PAX5: variants seen among roughly 807,000 people sequenced by gnomAD.
PAX5 encodes paired box 5.
A neutral mutation model predicts 43.7 loss-of-function variants in PAX5; 9 were observed. The observed-to-expected ratio is 0.21, with a 90% CI of 0.12 to 0.36. The LOEUF (loss-of-function observed/expected upper bound fraction) is 0.36, where lower values mean the gene tolerates loss of function less well. Ranked by LOEUF, PAX5 falls within the 10% of genes least tolerant of loss-of-function variation. PAX5 has a pLI of 1.00. For missense variants in PAX5, 383 were observed against 532.7 expected (o/e 0.72, Z 2.77); for synonymous variants, 228 against 214.3 (o/e 1.06, Z -0.56).
rs117083486 is a variant in PAX5, at chr9:36,945,005, C to T, written c.781-21521G>A. On this transcript the variant is annotated intron_variant, in intron 6 of 9. Coordinates refer to ENST00000358127, the MANE Select transcript of PAX5 (RefSeq NM_016734.3). ...CAGGCCTGAAGCCACGCAGAGTGAG[C>T]CTTGCAACTACCCACAGACAGGGAC... 3.2e-4 allele frequency among the ~76,000 whole-genome samples: 49 copies of T among 152,266 alleles called. 3 individuals carry two copies. In the East Asian group the frequency reaches 9.5e-3, roughly 29 times the overall value.
chr9:36,881,739 G>T (rs1007199293), intron 8 of PAX5, among the ~76,000 whole-genome samples: 1 of 151,984 alleles, frequency 6.6e-6, no homozygotes, highest in African/African-American at 2.4e-5. Flanking sequence ...CACCCTCTGT[G>T]TTCAGACTCT....
intron 7 of PAX5, among the ~76,000 whole-genome samples, chr9:36,884,005 T>C (rs1358660477): frequency 6.6e-6 from 1 of 151,170 alleles, no homozygotes; most frequent in African/African-American, 2.4e-5. Context: ...TAAAAAAAAA[T>C]AAGTGCCTCA....
intron 6 of PAX5, among the ~76,000 whole-genome samples, chr9:36,935,071 C>G (rs1200444877): frequency 6.6e-6 from 1 of 152,202 alleles, no homozygotes; most frequent in East Asian, 1.9e-4. Context: ...GAAATGTACT[C>G]ATGGCCTGGG....
intron 6 of PAX5, among the ~76,000 whole-genome samples, chr9:36,963,951 AC>A (rs1469713418): frequency 6.6e-6 from 1 of 152,102 alleles, no homozygotes; most frequent in African/African-American, 2.4e-5. Flanking sequence ...GGCTCCTGTT[AC>A]CCCTAAAATT....
chr9:36,983,515 A>T (rs975366366), intron 5 of PAX5, among the ~76,000 whole-genome samples: 2 of 152,168 alleles, frequency 1.3e-5, no homozygotes, highest in African/African-American at 4.8e-5. Context: ...TTTTTAAATT[A>T]TGTGTATGAG....
intron 5 of PAX5, among the ~76,000 whole-genome samples, chr9:36,981,180 G>C (rs1835884994): frequency 2.7e-5 from 2 of 74,532 alleles, no homozygotes; most frequent in South Asian, 4.2e-4. Flanking sequence ...TCCAAAAACA[G>C]CAAAGCCCCC....
At chr9:36,907,512 C>G (rs954659827) in intron 7 of PAX5, among the ~76,000 whole-genome samples, 22 of 152,294 alleles carry the variant, frequency 1.4e-4, no homozygotes, top group African/African-American at 5.3e-4. Flanking sequence ...GGCCTGTTCA[C>G]CTCTGTCTGA....
chr9:36,981,200 G>A lies in PAX5; in HGVS notation c.605-14476C>T, dbSNP rs373493935. 9.6e-3 allele frequency among the ~76,000 whole-genome samples: 973 copies of A among 101,200 alleles called. 16 individuals carry two copies. The highest frequency in any genetic ancestry group is 0.036 in the African/African-American group (909 of 25,182). The allele number at this position is 101,200 out of a possible 152,430, so 66.4% of individuals were successfully genotyped here. On this transcript the variant is annotated intron_variant, in intron 5 of 9. Transcript: ENST00000358127. The stretch of plus-strand genomic sequence containing the variant: ...AAACAGCAAAGCCCCCCCCCCCTCA[G>A]CCCTGCTTCATTCCCTGTCTCCTCA...
chr9:36,884,870 C>G (rs189779286), intron 7 of PAX5, among the ~76,000 whole-genome samples: 75 of 152,354 alleles, frequency 4.9e-4, no homozygotes, highest in Middle Eastern at 6.8e-3. Flanking sequence ...ATTCTCAGGT[C>G]CCCCTCTCCC....
intron 7 of PAX5, among the ~76,000 whole-genome samples, chr9:36,901,930 T>C (rs1473947080): frequency 1.3e-5 from 2 of 152,218 alleles, no homozygotes; most frequent in Non-Finnish European, 2.9e-5. Flanking sequence ...ATTAGCATAC[T>C]TTCAGGGCTT....
In PAX5 at chr9:36,923,607, A is replaced by G. The variant is rs1234056243; in HGVS notation, c.781-123T>C. On this transcript the variant is annotated intron_variant, in intron 6 of 9. Coordinates refer to ENST00000358127, the MANE Select transcript of PAX5 (RefSeq NM_016734.3). ...GTCCATGCCTGTGCCAAGGCCCACA[A>G]GGGGCTCATGAACACTTCCAGTGTT... 8.9e-6 allele frequency: 10 copies of G among 1,123,610 alleles called. No individual in the cohort carries two copies. In the Admixed American group the frequency reaches 1.4e-4, roughly 15 times the overall value. 69.6% of individuals were successfully genotyped at this position (1,123,610 alleles called of 1,614,324 possible). A position where few individuals can be genotyped will look rare whatever the true frequency, so the allele number is the denominator to read the frequency against.
chr9:36,964,089 G>A (rs1303270585), intron 6 of PAX5, among the ~76,000 whole-genome samples: 1 of 151,608 alleles, frequency 6.6e-6, no homozygotes, highest in African/African-American at 2.4e-5. Context: ...GACCATCCCG[G>A]CTAACACGGC....
chr9:36,846,737 C>T lies in PAX5; in HGVS notation c.1099+106G>A, dbSNP rs988900606. The T allele has an allele frequency of 6.9e-6, 5 of 726,612 alleles. No homozygotes were observed. The East Asian group carries it at 8.0e-5, about 12-fold the overall frequency. 45.0% of individuals were successfully genotyped at this position (726,612 alleles called of 1,614,324 possible). On this transcript the variant is annotated intron_variant, in intron 9 of 9. Coordinates refer to ENST00000358127, the MANE Select transcript of PAX5 (RefSeq NM_016734.3). The stretch of plus-strand genomic sequence containing the variant: ...TGTGTCTGGGCAAGCTACCCACCCA[C>T]CTCAGTGACCAGACCTCAGGATGTC...
At chr9:36,886,042 C>T (rs1214726557) in intron 7 of PAX5, among the ~76,000 whole-genome samples, 1 of 152,036 alleles carries the variant, frequency 6.6e-6, no homozygotes, top group African/African-American at 2.4e-5. Context: ...TGGCTGGGTG[C>T]CCTTCTCCCT....
rs1196189958 is a variant in PAX5, at chr9:36,834,097, C to T, written c.*6463G>A. ...TCCAAGGCCACTAGAGGGTGAAAAA[C>T]CAGGGCAGCGTCTTCCAGCAGGAGT... On this transcript the variant is annotated 3_prime_UTR_variant, in exon 10 of 10. Transcript: ENST00000358127. 4.3e-6 allele frequency: 1 copy of T among 233,136 alleles called. No homozygotes were observed. The highest frequency in any genetic ancestry group is 8.5e-6 in the Non-Finnish European group (1 of 118,010). 14.4% of individuals were successfully genotyped at this position (233,136 alleles called of 1,614,324 possible). A position where few individuals can be genotyped will look rare whatever the true frequency, so the allele number is the denominator to read the frequency against.
chr9:36,997,145 G>A (rs922174144), intron 5 of PAX5, among the ~76,000 whole-genome samples: 2 of 152,180 alleles, frequency 1.3e-5, no homozygotes, highest in Non-Finnish European at 2.9e-5. Flanking sequence ...CTCCCCATGA[G>A]AGTCTCATCA....
intron 3 of PAX5, among the ~76,000 whole-genome samples, chr9:37,010,853 GT>G (rs1202384244): frequency 6.6e-6 from 1 of 152,170 alleles, no homozygotes; most frequent in African/African-American, 2.4e-5. Flanking sequence ...GCCTGTGACT[GT>G]TGTGGAGAAG....
intron 8 of PAX5, among the ~76,000 whole-genome samples, chr9:36,877,378 G>A (rs559123500): frequency 6.6e-6 from 1 of 152,238 alleles, no homozygotes; most frequent in South Asian, 2.1e-4. Context: ...GAAAGTAGTG[G>A]CAGCTAAATG....
rs116937555 is a variant in PAX5, at chr9:36,932,648, T to C, written c.781-9164A>G. Among the ~76,000 whole-genome samples, 146 of 152,346 alleles carry C rather than the reference T, an allele frequency of 9.6e-4. 1 individual carries two copies. The highest frequency in any genetic ancestry group is 1.6e-3 in the Non-Finnish European group (112 of 68,030). On this transcript the variant is annotated intron_variant, in intron 6 of 9. Transcript: ENST00000358127. ...CGAGTCCAAAACCAAACTGTGGTGA[T>C]AGTTGCATAACTCCTTAAATCTACT...
Sources: allele counts gnomAD v4.1 joint callset (sites outside exome capture counted in the v4.1 genomes callset), GRCh38; gene constraint gnomAD v4.1.1; transcripts MANE v1.5; gene names NCBI Gene and HGNC (gene_info 2026-07-23, HGNC 2026-07-21).